Variants in TRDN observed in about 807,000 individuals in gnomAD.
TRDN encodes triadin, also known as triadin in skeletal muscle.
A neutral mutation model predicts 149.7 loss-of-function variants in TRDN; 161 were observed. The observed-to-expected ratio is 1.08, with a 90% CI of 0.95 to 1.23. The LOEUF is 1.23. Among genes scored for constraint, TRDN ranks in the 50% most tolerant of loss-of-function variants. The pLI, the probability that TRDN is intolerant of heterozygous loss-of-function variation, is 0.00. For missense variants in TRDN, 896 were observed against 823.5 expected (o/e 1.09, Z -1.08); for synonymous variants, 294 against 250.5 (o/e 1.17, Z -1.64).
At chr6:123,477,373 C>T (rs1337327125) in intron 9 of TRDN, among the ~76,000 whole-genome samples, 2 of 147,212 alleles carry the variant, frequency 1.4e-5, no homozygotes, top group African/African-American at 2.5e-5. Context: ...CCATCTCACA[C>T]CAGTTAGAAT....
chr6:123,502,672 A>G (rs778644300), intron 8 of TRDN: 20 of 984,592 alleles, frequency 2.0e-5, no homozygotes, highest in Non-Finnish European at 2.3e-5. Flanking sequence ...TTCATCCTCC[A>G]AATAGCCTGC....
intron 1 of TRDN, among the ~76,000 whole-genome samples, chr6:123,589,529 A>G (rs948754782): frequency 2.0e-5 from 3 of 152,212 alleles, no homozygotes; most frequent in African/African-American, 2.4e-5. Flanking sequence ...TGAGCTTTTC[A>G]TGATTTGTTG....
At chr6:123,302,974 G>GT (rs1348864180) in intron 24 of TRDN, among the ~76,000 whole-genome samples, 1 of 152,076 alleles carries the variant, frequency 6.6e-6, no homozygotes, top group African/African-American at 2.4e-5. Context: ...TATGTTTATA[G>GT]TTTTTTAGGC....
intron 21 of TRDN, among the ~76,000 whole-genome samples, chr6:123,348,915 G>A (rs1780353792): frequency 6.6e-6 from 1 of 152,046 alleles, no homozygotes; most frequent in South Asian, 2.1e-4. Context: ...TTTTTGGGGT[G>A]AAATTCTCTT....
In TRDN at chr6:123,570,999, C is replaced by G. The variant is rs752080224; in HGVS notation, c.156G>C (p.Leu52=). 10 of 1,613,926 alleles carry G rather than the reference C, an allele frequency of 6.2e-6. No individual in the cohort carries two copies. Among genetic ancestry groups the G allele is most frequent in the Middle Eastern group, 1.6e-4 (1 of 6,062 alleles). ...TTFSSPAAWL[L]VIALIITWSA... ...ACCACGTGATTATCAGGGCAATGAC[C>G]AGAAGCCAGGCTGCAGGGGAGCTGA... The change falls in exon 2 of 41, where the codon CTG becomes CTC. Residue 52 remains leucine (L), a synonymous_variant. Coordinates refer to ENST00000334268, the MANE Select transcript of TRDN (RefSeq NM_006073.4).
At position 123,218,758 on chromosome 6, in the gene TRDN, A is replaced by G. The variant is rs988946668; in HGVS notation, c.2051-18T>C. On this transcript the variant is annotated intron_variant, in intron 40 of 40. Transcript: ENST00000334268. ...GATGGGACCTAAGGAACAGAGCATG[A>G]CAGTTTGTTAAAACATGCAGAACAT... The G allele has an allele frequency of 2.6e-6, 4 of 1,553,706 alleles. No individual in the cohort carries two copies. The highest frequency in any genetic ancestry group is 2.0e-5 in the Admixed American group (1 of 51,006).
At chr6:123,270,599 G>T (rs1200867195) in intron 30 of TRDN, among the ~76,000 whole-genome samples, 1 of 152,006 alleles carries the variant, frequency 6.6e-6, no homozygotes, top group South Asian at 2.1e-4. Flanking sequence ...CTTCTGAATT[G>T]CAAGAGTATG....
At chr6:123,236,333 C>A (rs1775786328) in intron 38 of TRDN, among the ~76,000 whole-genome samples, 1 of 152,114 alleles carries the variant, frequency 6.6e-6, no homozygotes, top group Non-Finnish European at 1.5e-5. Context: ...GTGTTAAAAT[C>A]TTTTGTTTAC....
intron 1 of TRDN, among the ~76,000 whole-genome samples, chr6:123,606,307 A>G (rs1784525318): frequency 6.6e-6 from 1 of 152,092 alleles, no homozygotes; most frequent in Non-Finnish European, 1.5e-5. Flanking sequence ...TACATTTTAT[A>G]TAAGTGCATA....
intron 38 of TRDN, among the ~76,000 whole-genome samples, chr6:123,251,530 T>C (rs1337431343): frequency 1.3e-5 from 2 of 151,876 alleles, no homozygotes; most frequent in Non-Finnish European, 2.9e-5. Context: ...TCCACTTGTT[T>C]TGTTTTGTCT....
At chr6:123,258,802 G>C (rs934588800) in intron 35 of TRDN, among the ~76,000 whole-genome samples, 64 of 152,070 alleles carry the variant, frequency 4.2e-4, no homozygotes, top group African/African-American at 1.5e-3. Context: ...ATTAATTACT[G>C]CCTCAATTCC....
chr6:123,604,085 T>C (rs1784405415), intron 1 of TRDN, among the ~76,000 whole-genome samples: 1 of 152,212 alleles, frequency 6.6e-6, no homozygotes, highest in South Asian at 2.1e-4. Context: ...TTTTATCATT[T>C]GACAAATGAA....
intron 22 of TRDN, 41 bp downstream of exon 22, chr6:123,337,578 C>T: frequency 9.9e-7 from 1 of 1,013,586 alleles, no homozygotes; most frequent in Non-Finnish European, 1.4e-6. Context: ...ATATATATTT[C>T]CTAATAAATT....
intron 21 of TRDN, among the ~76,000 whole-genome samples, chr6:123,344,031 C>T (rs1780161896): frequency 6.6e-6 from 1 of 152,032 alleles, no homozygotes; most frequent in Non-Finnish European, 1.5e-5. Context: ...AAAAAGACAG[C>T]AGTTTGCAAT....
chr6:123,380,903 A>AG (rs1363367462), intron 16 of TRDN, among the ~76,000 whole-genome samples: 1 of 152,062 alleles, frequency 6.6e-6, no homozygotes, highest in African/African-American at 2.4e-5. Context: ...TAGTGAGTGT[A>AG]GGGGGGAAAT....
chr6:123,431,902 C>T (rs559187601), intron 12 of TRDN, among the ~76,000 whole-genome samples: 10 of 152,046 alleles, frequency 6.6e-5, no homozygotes, highest in Non-Finnish European at 1.5e-4. Context: ...AAGCAATAAG[C>T]TTCTGTAAAG....
At chr6:123,326,030 G>T (rs1255335241) in intron 23 of TRDN, among the ~76,000 whole-genome samples, 1 of 152,084 alleles carries the variant, frequency 6.6e-6, no homozygotes, top group Non-Finnish European at 1.5e-5. Context: ...ATAAATAGCA[G>T]AGAGAGTGAT....
chr6:123,556,627 A>G (rs551803496), intron 2 of TRDN, among the ~76,000 whole-genome samples: 1 of 136,202 alleles, frequency 7.3e-6, no homozygotes, highest in South Asian at 2.3e-4. Context: ...TCTTCCTCCT[A>G]TTCCTCTTCC....
intron 24 of TRDN, among the ~76,000 whole-genome samples, chr6:123,310,359 T>A (rs1245010906): frequency 6.6e-6 from 1 of 152,040 alleles, no homozygotes; most frequent in Non-Finnish European, 1.5e-5. Context: ...TCAAGATATA[T>A]AAATCCAGCA....
Sources: gnomAD v4.1 joint callset for allele counts (sites outside exome capture counted in the v4.1 genomes callset) on GRCh38, gnomAD v4.1.1 for gene constraint, MANE v1.5 for transcripts, NCBI Gene and HGNC (gene_info 2026-07-23, HGNC 2026-07-21) for gene names.